Variants in WWOX observed in about 807,000 individuals in gnomAD.
The protein encoded by WWOX is WW domain containing oxidoreductase.
Under a neutral mutation model 46.2 loss-of-function variants are expected in WWOX, and 69 were observed. The ratio of observed to expected loss-of-function variants is 1.49; its 90% CI spans 1.23 to 1.82. The LOEUF (loss-of-function observed/expected upper bound fraction) is 1.82, where lower values mean the gene tolerates loss of function less well. Ranked by LOEUF, WWOX falls within the 40% of genes most tolerant of loss-of-function variation. The pLI, the probability that WWOX is intolerant of heterozygous loss-of-function variation, is 0.00. For missense variants in WWOX, 919 were observed against 542.6 expected (o/e 1.69, Z -6.89); for synonymous variants, 359 against 202.6 (o/e 1.77, Z -6.56).
chr16:78,811,520 T>TCC (rs1304530224), intron 8 of WWOX, among the ~76,000 whole-genome samples: 1 of 151,916 alleles, frequency 6.6e-6, no homozygotes, highest in African/African-American at 2.4e-5. Context: ...TTTTCCTTTT[T>TCC]CTCTCTCTCT....
intron 8 of WWOX, among the ~76,000 whole-genome samples, chr16:78,740,604 G>T (rs1460051949): frequency 6.6e-6 from 1 of 152,128 alleles, no homozygotes; most frequent in Non-Finnish European, 1.5e-5. Context: ...GGCATGGGGC[G>T]CCGTTTCATT....
intron 8 of WWOX, among the ~76,000 whole-genome samples, chr16:78,558,210 C>A (rs893172306): frequency 6.6e-6 from 1 of 152,184 alleles, no homozygotes; most frequent in Non-Finnish European, 1.5e-5. Context: ...AGTGTTTTTG[C>A]CCTTCCGATC....
chr16:78,677,587 C>T (rs1401626448), intron 8 of WWOX, among the ~76,000 whole-genome samples: 1 of 152,182 alleles, frequency 6.6e-6, no homozygotes, highest in Non-Finnish European at 1.5e-5. Flanking sequence ...CCCCAAAACT[C>T]CATGTTGTTT....
chr16:78,329,293 A>C (rs1156789345), intron 5 of WWOX, among the ~76,000 whole-genome samples: 1 of 152,220 alleles, frequency 6.6e-6, no homozygotes. Context: ...TTGTCCAGCC[A>C]GTTCTCCTCT....
At chr16:78,108,102 A>G (rs912780229) in intron 1 of WWOX, among the ~76,000 whole-genome samples, 3 of 151,172 alleles carry the variant, frequency 2.0e-5, no homozygotes, top group African/African-American at 7.3e-5. Context: ...CTAATTTTGT[A>G]TTTTTGGTAG....
intron 8 of WWOX, among the ~76,000 whole-genome samples, chr16:79,144,547 A>G (rs748916643): frequency 1.3e-4 from 20 of 152,232 alleles, no homozygotes; most frequent in Non-Finnish European, 2.4e-4. Context: ...TGTTTGTAAC[A>G]TGATTTAAGC....
intron 6 of WWOX, among the ~76,000 whole-genome samples, chr16:78,410,168 C>A (rs2082645147): frequency 1.3e-5 from 2 of 152,172 alleles, no homozygotes; most frequent in Non-Finnish European, 2.9e-5. Context: ...TTGCCTTCCG[C>A]CATGACTGTA....
chr16:78,559,627 A>G (rs1440541597), intron 8 of WWOX, among the ~76,000 whole-genome samples: 3 of 152,094 alleles, frequency 2.0e-5, no homozygotes, highest in Non-Finnish European at 4.4e-5. Flanking sequence ...CACTGGCTTC[A>G]TTTTTCCTGT....
At chr16:79,006,634 C>G (rs1455134518) in intron 8 of WWOX, among the ~76,000 whole-genome samples, 1 of 152,090 alleles carries the variant, frequency 6.6e-6, no homozygotes, top group African/African-American at 2.4e-5. Flanking sequence ...ATCTGACAGT[C>G]CCATAAGGCA....
intron 8 of WWOX, among the ~76,000 whole-genome samples, chr16:78,934,243 C>A (rs1226477652): frequency 1.3e-5 from 2 of 149,448 alleles, no homozygotes; most frequent in Non-Finnish European, 3.0e-5. Context: ...GAGGCTGAGG[C>A]AGGAGAATGG....
At chr16:78,588,456 A>T (rs2045271475) in intron 8 of WWOX, among the ~76,000 whole-genome samples, 1 of 152,184 alleles carries the variant, frequency 6.6e-6, no homozygotes. Context: ...CAGCAGCAAA[A>T]ATCTGCCCTG....
intron 4 of WWOX, among the ~76,000 whole-genome samples, chr16:78,144,923 TA>T (rs2034147530): frequency 3.3e-5 from 5 of 152,224 alleles, no homozygotes. Context: ...GCAGTTATTT[TA>T]TTCAATTTTC....
At chr16:79,042,271 T>A (rs554309512) in intron 8 of WWOX, among the ~76,000 whole-genome samples, 2 of 152,228 alleles carry the variant, frequency 1.3e-5, no homozygotes, top group Non-Finnish European at 2.9e-5. Flanking sequence ...GCTTCCTCAC[T>A]GTCTTTTGCA....
chr16:78,718,002 T>C (rs1295840223), intron 8 of WWOX, among the ~76,000 whole-genome samples: 1 of 133,476 alleles, frequency 7.5e-6, no homozygotes, highest in Non-Finnish European at 1.6e-5. Context: ...AATAAGCATT[T>C]TTGCTTGGGA....
chr16:78,248,864 C>CTTTTTTTTTTT (rs869134108), intron 5 of WWOX, among the ~76,000 whole-genome samples: 1 of 117,392 alleles, frequency 8.5e-6, no homozygotes, highest in Non-Finnish European at 1.8e-5. Flanking sequence ...GCCCCCCGGC[C>CTTTTTTTTTTT]TTTTTTTTTT....
intron 5 of WWOX, among the ~76,000 whole-genome samples, chr16:78,333,778 G>C (rs1426248044): frequency 2.0e-5 from 3 of 152,094 alleles, no homozygotes; most frequent in Admixed American, 2.0e-4. Flanking sequence ...CAAAGTTTTG[G>C]CTTATTTGGC....
intron 5 of WWOX, among the ~76,000 whole-genome samples, chr16:78,376,121 A>T (rs1444952668): frequency 6.6e-6 from 1 of 152,174 alleles, no homozygotes; most frequent in African/African-American, 2.4e-5. Flanking sequence ...AAGTGCTGGG[A>T]TTACAGGCAT....
chr16:78,155,446 A>G (rs1479491328), intron 4 of WWOX, among the ~76,000 whole-genome samples: 1 of 152,236 alleles, frequency 6.6e-6, no homozygotes, highest in Non-Finnish European at 1.5e-5. Context: ...TCCATTTCAT[A>G]GAACTTGAAT....
chr16:78,327,195 A>G (rs1044815398), intron 5 of WWOX, among the ~76,000 whole-genome samples: 4 of 152,184 alleles, frequency 2.6e-5, no homozygotes, highest in African/African-American at 9.7e-5. Context: ...GGACCAAATT[A>G]TAGGCCAGGT....
Sources: allele counts gnomAD v4.1 joint callset (sites outside exome capture counted in the v4.1 genomes callset), GRCh38; gene constraint gnomAD v4.1.1; transcripts MANE v1.5; gene names NCBI Gene and HGNC (gene_info 2026-07-23, HGNC 2026-07-21).